The following PLXNA4 variants were observed in gnomAD, a reference collection of about 807,000 sequenced individuals.
The protein encoded by PLXNA4 is plexin A4, also known as plexin-A4.
In PLXNA4, 44 loss-of-function variants were observed where a neutral mutation model predicts 191.8. The observed-to-expected ratio is 0.23, with a 90% CI of 0.18 to 0.29. The LOEUF (loss-of-function observed/expected upper bound fraction) is 0.29. Ranked by LOEUF, PLXNA4 falls within the 10% of genes least tolerant of loss-of-function variation. The pLI is 1.00. For synonymous variants in PLXNA4, 1,082 were observed against 1,009.5 expected, an observed-to-expected ratio of 1.07 and a Z score of -1.36; for missense variants, 1,800 against 2,488.8, an observed-to-expected ratio of 0.72 and a Z score of 5.89.
At chr7:132,618,008 G>T (rs1235824127) in intron 2 of PLXNA4, among the ~76,000 whole-genome samples, 1 of 152,118 alleles carries the variant, frequency 6.6e-6, no homozygotes, top group African/African-American at 2.4e-5. Flanking sequence ...TTCCAGGCAG[G>T]AATCAGAGCA....
chr7:132,305,784 A>G (rs1801495555), intron 3 of PLXNA4, among the ~76,000 whole-genome samples: 1 of 152,036 alleles, frequency 6.6e-6, no homozygotes, highest in African/African-American at 2.4e-5. Context: ...TGCTTGGACT[A>G]ATCTCCCTAA....
chr7:132,323,036 A>G (rs1206018584), intron 3 of PLXNA4, among the ~76,000 whole-genome samples: 1 of 152,230 alleles, frequency 6.6e-6, no homozygotes, highest in Non-Finnish European at 1.5e-5. Context: ...CCTTTAGCAC[A>G]GATGAAATAC....
At chr7:132,619,854 G>A (rs1803226945) in intron 2 of PLXNA4, among the ~76,000 whole-genome samples, 1 of 152,234 alleles carries the variant, frequency 6.6e-6, no homozygotes, top group South Asian at 2.1e-4. Context: ...AGGCTGGAGT[G>A]CAGTGGTGCG....
intron 3 of PLXNA4, among the ~76,000 whole-genome samples, chr7:132,442,091 G>A (rs1016621425): frequency 6.6e-6 from 1 of 152,214 alleles, no homozygotes; most frequent in Non-Finnish European, 1.5e-5. Context: ...TCTGGGAGGA[G>A]CCCCAAGCCC....
At chr7:132,387,141 G>A (rs150995309) in intron 3 of PLXNA4, among the ~76,000 whole-genome samples, 14 of 152,308 alleles carry the variant, frequency 9.2e-5, no homozygotes, top group East Asian at 1.9e-4. Context: ...GCTGAATTGC[G>A]CTGGTCTAGA....
intron 1 of PLXNA4, among the ~76,000 whole-genome samples, chr7:132,551,480 A>C (rs1412686893): frequency 2.6e-5 from 4 of 152,214 alleles, no homozygotes; most frequent in African/African-American, 4.8e-5. Flanking sequence ...TTTTCCATTC[A>C]CAAACCTTTC....
In PLXNA4 at chr7:132,508,316, C is replaced by T. The variant is rs1197806572; in HGVS notation, c.378G>A (p.Arg126=). 2 of 1,614,098 alleles carry T rather than the reference C, an allele frequency of 1.2e-6. No homozygotes were observed. The highest frequency in any genetic ancestry group is 3.3e-5 in the Admixed American group (2 of 60,010). ...GGTACAGGCTCCCACAGGCAATCAG[C>T]CTGTTCTCCTTGTAGTCTATGAGGA... ...KMLLIDYKEN[R]LIACGSLYQG... Residue 126 remains arginine (R), a synonymous_variant, in exon 2 of 32, where the codon AGG becomes AGA. Coordinates refer to ENST00000321063, the MANE Select transcript of PLXNA4 (RefSeq NM_020911.2). This position sits in a 1 kb window ranked among gnomAD's most constrained non-coding sequence, Gnocchi z 4.4.
At chr7:132,384,260 T>C in intron 3 of PLXNA4, 1 of 985,426 alleles carries the variant, frequency 1.0e-6, no homozygotes, top group Non-Finnish European at 1.2e-6. Flanking sequence ...TCTACAGCAC[T>C]TTCACTTGTT....
chr7:132,352,785 G>C (rs944951599), intron 3 of PLXNA4, among the ~76,000 whole-genome samples: 1 of 152,182 alleles, frequency 6.6e-6, no homozygotes, highest in East Asian at 1.9e-4. Context: ...TACAGCTAAA[G>C]TGGTGAGTAG....
upstream of PLXNA4, chr7:132,577,250 T>TGGATCGGCCGCCGCC (rs1554473603): frequency 6.6e-6 from 1 of 151,358 alleles, no homozygotes; most frequent in African/African-American, 2.4e-5. Flanking sequence ...GGGCCGCCGC[T>TGGATCGGCCGCCGCC]GGCTCGGCCG....
rs1286217659 is a variant in PLXNA4 at position 132,507,998 on chromosome 7, G to A, written c.696C>T (p.Asp232=). The A allele has an allele frequency of 6.2e-7, 1 of 1,614,236 alleles. No individual in the cohort carries two copies. The highest frequency in any genetic ancestry group is 8.5e-7 in the Non-Finnish European group (1 of 1,180,056). ...CAAAGTCAGGGATGATGGTGAAGGT[G>A]TCCGAAGGGATCTTAATCATCGAGG... ...FVASMIKIPS[D]TFTIIPDFDI... The change falls in exon 2 of 32, where the codon GAC becomes GAT. Residue 232 remains aspartate, a synonymous_variant. Transcript: ENST00000321063.
chr7:132,263,911 C>T (rs758174969), intron 4 of PLXNA4, among the ~76,000 whole-genome samples: 13 of 152,142 alleles, frequency 8.5e-5, no homozygotes, highest in African/African-American at 2.9e-4. Flanking sequence ...ACCACTGTAC[C>T]GTTAGCAAAG....
intron 29 of PLXNA4, among the ~76,000 whole-genome samples, chr7:132,141,684 C>G (rs1048488241): frequency 1.3e-5 from 2 of 152,274 alleles, no homozygotes; most frequent in South Asian, 2.1e-4. Flanking sequence ...AAAGGGGGCA[C>G]TTGATGGTGG....
chr7:132,596,750 G>A (rs1191935174), intron 2 of PLXNA4, among the ~76,000 whole-genome samples: 1 of 151,590 alleles, frequency 6.6e-6, no homozygotes, highest in African/African-American at 2.4e-5. Flanking sequence ...ATACCATTAA[G>A]AAGGAAGGCT....
chr7:132,368,340 A>G (rs1804279419), intron 3 of PLXNA4, among the ~76,000 whole-genome samples: 1 of 152,166 alleles, frequency 6.6e-6, no homozygotes, highest in Admixed American at 6.5e-5. Context: ...ACAAGGAGAC[A>G]TGGGGGAAGA....
intron 2 of PLXNA4, among the ~76,000 whole-genome samples, chr7:132,615,927 A>ATCTCTCTCTCTC (rs370549958): frequency 0.029 from 2,399 of 83,672 alleles, 143 homozygotes; most frequent in Middle Eastern, 0.037. Context: ...CAGATAAAGG[A>ATCTCTCTCTCTC]TCTCTCTCTC....
At chr7:132,276,596 T>C (rs539627190) in intron 4 of PLXNA4, among the ~76,000 whole-genome samples, 1 of 152,330 alleles carries the variant, frequency 6.6e-6, no homozygotes, top group South Asian at 2.1e-4. Flanking sequence ...CCCAGAAATC[T>C]GCAGGTTTCT....
At chr7:132,402,554 G>A (rs937302281) in intron 3 of PLXNA4, among the ~76,000 whole-genome samples, 2 of 152,180 alleles carry the variant, frequency 1.3e-5, no homozygotes, top group Non-Finnish European at 2.9e-5. Context: ...CACTATGGGA[G>A]GGGCAGCTGG....
chr7:132,463,802 T>G (rs1290559164), intron 3 of PLXNA4, among the ~76,000 whole-genome samples: 1 of 152,232 alleles, frequency 6.6e-6, no homozygotes, highest in Non-Finnish European at 1.5e-5. Context: ...AAGGGCTTCC[T>G]GAGCAGACAT....
Sources: allele counts gnomAD v4.1 joint callset (sites outside exome capture counted in the v4.1 genomes callset), GRCh38; gene constraint gnomAD v4.1.1; non-coding constraint Gnocchi (gnomAD v3.1); transcripts MANE v1.5; gene names NCBI Gene and HGNC (gene_info 2026-07-23, HGNC 2026-07-21).